Variants in LDB2 observed in about 807,000 individuals in gnomAD.
LDB2 encodes the protein LIM domain binding 2.
A neutral mutation model predicts 44.3 loss-of-function variants in LDB2; 12 were observed. That is an observed-to-expected ratio of 0.27 (90% confidence interval 0.17 to 0.44). The LOEUF is 0.44. LDB2 is among the 20% of genes least tolerant of loss of function. The pLI, the probability that LDB2 is intolerant of heterozygous loss-of-function variation, is 1.00. For missense variants in LDB2, 344 were observed against 473.5 expected (o/e 0.73, Z 2.54); for synonymous variants, 164 against 174.8 (o/e 0.94, Z 0.49).
At chr4:16,743,820 A>C (rs1763823884) in intron 2 of LDB2, among the ~76,000 whole-genome samples, 1 of 152,216 alleles carries the variant, frequency 6.6e-6, no homozygotes, top group Admixed American at 6.5e-5. Flanking sequence ...CAGAGCACCC[A>C]GCAACCTAGC....
intron 2 of LDB2, among the ~76,000 whole-genome samples, chr4:16,665,227 A>G (rs1370458740): frequency 6.6e-6 from 1 of 151,078 alleles, no homozygotes; most frequent in East Asian, 1.9e-4. Context: ...ATCAAGCTTC[A>G]TCAGTTCCCC....
intron 1 of LDB2, among the ~76,000 whole-genome samples, chr4:16,893,663 G>A (rs557432498): frequency 1.3e-5 from 2 of 152,048 alleles, no homozygotes; most frequent in Non-Finnish European, 2.9e-5. Context: ...ATCCTTGTGC[G>A]TACAGCTTCC....
intron 2 of LDB2, among the ~76,000 whole-genome samples, chr4:16,659,398 A>G (rs1368105652): frequency 1.3e-5 from 2 of 152,164 alleles, no homozygotes. Context: ...AAGAGTTTAT[A>G]TAACATTTTA....
intron 3 of LDB2, among the ~76,000 whole-genome samples, chr4:16,589,888 T>TC (rs1487500193): frequency 1.3e-5 from 2 of 152,090 alleles, no homozygotes; most frequent in Non-Finnish European, 2.9e-5. Flanking sequence ...TCTAATAAAT[T>TC]CCCCAAATTC....
intron 5 of LDB2, among the ~76,000 whole-genome samples, chr4:16,527,964 G>GA (rs1402414684): frequency 2.7e-5 from 4 of 149,534 alleles, no homozygotes; most frequent in Admixed American, 1.3e-4. Context: ...GAGGAAAAGT[G>GA]AAAAAAAAGA....
intron 5 of LDB2, among the ~76,000 whole-genome samples, chr4:16,566,362 G>A (rs564940715): frequency 6.6e-5 from 10 of 152,070 alleles, no homozygotes; most frequent in African/African-American, 2.4e-4. Flanking sequence ...AACAGGAATT[G>A]GAATACAGAA....
chr4:16,584,325 A>G (rs1441484330), intron 5 of LDB2, among the ~76,000 whole-genome samples: 1 of 152,230 alleles, frequency 6.6e-6, no homozygotes, highest in African/African-American at 2.4e-5. Flanking sequence ...AGCAAAGGCA[A>G]GAAAGATATG....
chr4:16,553,148 G>T (rs1738252253), intron 5 of LDB2, among the ~76,000 whole-genome samples: 1 of 152,130 alleles, frequency 6.6e-6, no homozygotes, highest in Non-Finnish European at 1.5e-5. Context: ...CCTGGAAACA[G>T]GATTTTATTA....
chr4:16,733,166 C>T (rs766139338), intron 2 of LDB2, among the ~76,000 whole-genome samples: 16 of 152,156 alleles, frequency 1.1e-4, no homozygotes, highest in Non-Finnish European at 2.4e-4. Context: ...GTGAGGCTGC[C>T]TACTACCTTG....
At chr4:16,645,298 A>C (rs1736400624) in intron 2 of LDB2, among the ~76,000 whole-genome samples, 1 of 152,182 alleles carries the variant, frequency 6.6e-6, no homozygotes, top group South Asian at 2.1e-4. Flanking sequence ...GCACTTTGGG[A>C]GGCCGAGGCG....
At chr4:16,787,638 C>G (rs1264778326) in intron 1 of LDB2, among the ~76,000 whole-genome samples, 1 of 151,950 alleles carries the variant, frequency 6.6e-6, no homozygotes, top group Non-Finnish European at 1.5e-5. Flanking sequence ...GGGGGTGCAA[C>G]AAGATGAACT....
At chr4:16,644,625 TCAC>T (rs1736174717) in intron 2 of LDB2, among the ~76,000 whole-genome samples, 1 of 152,114 alleles carries the variant, frequency 6.6e-6, no homozygotes, top group African/African-American at 2.4e-5. Context: ...AGACGGGGTT[TCAC>T]CATGTTGGCC....
Position 16,706,707 on chromosome 4 carries a change from C to A in LDB2, c.235+52451G>T, listed in dbSNP as rs150704835. ...GGGACATAAGAGAAGGAGTATTTAACTCAAACGTAGAAGAAATCTGGGGAG... is the reference window on the plus strand; with the variant it reads ...GGGACATAAGAGAAGGAGTATTTAAATCAAACGTAGAAGAAATCTGGGGAG... On this transcript the variant is annotated intron_variant, in intron 2 of 7. Transcript: ENST00000304523. Among the ~76,000 whole-genome samples, 68 of 152,268 alleles carry A rather than the reference C, an allele frequency of 4.5e-4. 1 individual carries two copies. In the East Asian group the frequency reaches 0.011, roughly 25 times the overall value.
chr4:16,766,624 G>A (rs1202265713), intron 1 of LDB2, among the ~76,000 whole-genome samples: 3 of 151,462 alleles, frequency 2.0e-5, no homozygotes, highest in South Asian at 4.2e-4. Context: ...TCCTGCCTCA[G>A]CCACGCGAGT....
chr4:16,624,093 A>G (rs1488287061), intron 2 of LDB2, among the ~76,000 whole-genome samples: 1 of 152,190 alleles, frequency 6.6e-6, no homozygotes, highest in Admixed American at 6.5e-5. Context: ...ATTTTATTGC[A>G]TTAGGGATTT....
At chr4:16,532,316 G>A (rs1045786832) in intron 5 of LDB2, among the ~76,000 whole-genome samples, 15 of 152,128 alleles carry the variant, frequency 9.9e-5, no homozygotes, top group African/African-American at 3.1e-4. Context: ...CAGAACTGAT[G>A]CTATTTTTAG....
At chr4:16,701,685 G>T (rs905031980) in intron 2 of LDB2, among the ~76,000 whole-genome samples, 1 of 152,208 alleles carries the variant, frequency 6.6e-6, no homozygotes, top group African/African-American at 2.4e-5. Flanking sequence ...ACTTCTGGGG[G>T]CAGCTGCAGC....
intron 2 of LDB2, among the ~76,000 whole-genome samples, chr4:16,615,666 G>A (rs1161049394): frequency 6.6e-6 from 1 of 152,016 alleles, no homozygotes; most frequent in Non-Finnish European, 1.5e-5. Flanking sequence ...AAACCACCAT[G>A]GCACACATAT....
chr4:16,548,118 C>T (rs1736405876), intron 5 of LDB2, among the ~76,000 whole-genome samples: 1 of 152,072 alleles, frequency 6.6e-6, no homozygotes, highest in Admixed American at 6.6e-5. Flanking sequence ...GCCACTGTGC[C>T]TGGCCTCAAC....
Sources: allele counts gnomAD v4.1 joint callset (sites outside exome capture counted in the v4.1 genomes callset), GRCh38; gene constraint gnomAD v4.1.1; transcripts MANE v1.5; gene names NCBI Gene and HGNC (gene_info 2026-07-23, HGNC 2026-07-21).